ADGRL2: variants seen among roughly 807,000 people sequenced by gnomAD.
ADGRL2 encodes the protein calcium-independent alpha-latrotoxin receptor 2.
A neutral mutation model predicts 157.4 loss-of-function variants in ADGRL2; 44 were observed. That is an observed-to-expected ratio of 0.28 (90% CI 0.22 to 0.36). The LOEUF is 0.36. Ranked by LOEUF, ADGRL2 falls within the 10% of genes least tolerant of loss-of-function variation. The probability of loss-of-function intolerance (pLI) is 1.00; values close to 1 mark genes in which losing one functional copy is unlikely to be tolerated. For synonymous variants in ADGRL2, 585 were observed against 624.7 expected, an observed-to-expected ratio of 0.94 and a Z score of 0.95; for missense variants, 1,510 against 1,768.9, an observed-to-expected ratio of 0.85 and a Z score of 2.63.
chr1:81,817,260 T>C (rs561901580), intron 1 of ADGRL2, among the ~76,000 whole-genome samples: 2 of 151,480 alleles, frequency 1.3e-5, no homozygotes, highest in East Asian at 3.9e-4. Context: ...GCTTTAAAGG[T>C]AGGCCTTCCG....
intron 3 of ADGRL2, among the ~76,000 whole-genome samples, chr1:81,665,164 A>G (rs977987445): frequency 6.6e-6 from 1 of 152,176 alleles, no homozygotes; most frequent in African/African-American, 2.4e-5. Context: ...TCAAAGACAG[A>G]TGGATAAACT....
intron 3 of ADGRL2, among the ~76,000 whole-genome samples, chr1:81,689,700 G>A (rs1259002277): frequency 6.6e-6 from 1 of 152,206 alleles, no homozygotes; most frequent in Non-Finnish European, 1.5e-5. Flanking sequence ...ACAGAATGCA[G>A]CGATGGAACT....
chr1:81,628,044 A>T (rs917341973), intron 3 of ADGRL2, among the ~76,000 whole-genome samples: 1 of 152,146 alleles, frequency 6.6e-6, no homozygotes. Flanking sequence ...CTGCTCTTTC[A>T]ATGTCACCTT....
intron 2 of ADGRL2, among the ~76,000 whole-genome samples, chr1:81,763,058 A>G (rs368597202): frequency 1.7e-4 from 25 of 151,350 alleles, no homozygotes; most frequent in Middle Eastern, 3.4e-3. Flanking sequence ...AAAAAAAAAA[A>G]AAAAAAAAAG....
At chr1:81,572,773 C>A (rs1367788934) in intron 2 of ADGRL2, among the ~76,000 whole-genome samples, 2 of 151,904 alleles carry the variant, frequency 1.3e-5, no homozygotes, top group African/African-American at 4.8e-5. Context: ...AAACAGATTT[C>A]TTTTTTCACT....
intron 1 of ADGRL2, among the ~76,000 whole-genome samples, chr1:81,747,395 G>T (rs926169962): frequency 6.6e-6 from 1 of 151,232 alleles, no homozygotes; most frequent in African/African-American, 2.4e-5. Context: ...CTGCCTCCCA[G>T]GTTCAAGGGA....
At chr1:81,791,033 T>TTCCA (rs982160513) in intron 2 of ADGRL2, among the ~76,000 whole-genome samples, 2 of 125,478 alleles carry the variant, frequency 1.6e-5, no homozygotes, top group Non-Finnish European at 3.2e-5. Flanking sequence ...CAACACTGCA[T>TTCCA]TCCAGCCTGG....
At chr1:81,450,764 C>G (rs755773319) in intron 2 of ADGRL2, among the ~76,000 whole-genome samples, 3 of 151,976 alleles carry the variant, frequency 2.0e-5, no homozygotes, top group Non-Finnish European at 4.4e-5. Context: ...AATATTTGAG[C>G]AAGCAAGTGA....
intron 1 of ADGRL2, among the ~76,000 whole-genome samples, chr1:81,419,427 C>T (rs546578835): frequency 1.3e-5 from 2 of 152,214 alleles, no homozygotes; most frequent in African/African-American, 4.8e-5. Flanking sequence ...AGGCTGGTCT[C>T]GAACTCCTGA....
chr1:81,971,798 G>A (rs1339483093), intron 16 of ADGRL2, 54 bp from the exon 17 acceptor site: 8 of 906,072 alleles, frequency 8.8e-6, no homozygotes, highest in Admixed American at 2.0e-5. Context: ...TTTTCCTTGT[G>A]ATGTTGAGGT....
At chr1:81,586,392 A>C (rs969332663) in intron 3 of ADGRL2, 6 of 152,104 alleles carry the variant, frequency 3.9e-5, no homozygotes, top group Admixed American at 1.3e-4. Flanking sequence ...AGGAAAAAAA[A>C]AATGAATATT....
chr1:81,635,131 A>T (rs995401976), intron 3 of ADGRL2, among the ~76,000 whole-genome samples: 3 of 152,116 alleles, frequency 2.0e-5, no homozygotes, highest in Non-Finnish European at 2.9e-5. Flanking sequence ...GGTTTATCAA[A>T]GGAGCCCCAG....
At chr1:81,648,447 A>G (rs985343158) in intron 3 of ADGRL2, among the ~76,000 whole-genome samples, 2 of 152,204 alleles carry the variant, frequency 1.3e-5, no homozygotes, top group Non-Finnish European at 2.9e-5. Flanking sequence ...GTGCATTGAC[A>G]TGTTGGAGCC....
At chr1:81,890,023 A>G (rs2094220138) in intron 2 of ADGRL2, among the ~76,000 whole-genome samples, 1 of 152,192 alleles carries the variant, frequency 6.6e-6, no homozygotes, top group South Asian at 2.1e-4. Context: ...AAAACTTAAC[A>G]TTTATTAATG....
intron 3 of ADGRL2, among the ~76,000 whole-genome samples, chr1:81,678,749 A>T (rs533846502): frequency 6.6e-6 from 1 of 152,208 alleles, no homozygotes; most frequent in East Asian, 1.9e-4. Flanking sequence ...CTTTCTCTTC[A>T]GGATGCTGTG....
At chr1:81,867,423 A>G (rs576889868) in intron 2 of ADGRL2, among the ~76,000 whole-genome samples, 1 of 152,350 alleles carries the variant, frequency 6.6e-6, no homozygotes, top group South Asian at 2.1e-4. Flanking sequence ...TCATGGGCCT[A>G]TGCCATGTGG....
chr1:81,792,142 T>C (rs929623752), intron 2 of ADGRL2, among the ~76,000 whole-genome samples: 4 of 152,226 alleles, frequency 2.6e-5, no homozygotes, highest in African/African-American at 7.2e-5. Context: ...CTATGACTGC[T>C]GAATAACTGC....
chr1:81,887,118 G>A (rs2094145150), intron 2 of ADGRL2, among the ~76,000 whole-genome samples: 1 of 152,110 alleles, frequency 6.6e-6, no homozygotes, highest in Non-Finnish European at 1.5e-5. Flanking sequence ...TACTAAATAC[G>A]ATTTGAGAAG....
chr1:81,990,766 C>G lies in ADGRL2; in HGVS notation c.4031C>G (p.Ser1344Cys), dbSNP rs758893309. ...CCACTTATTCCTCAGCGGACTCACTCCCTTCTGTACCAACCCCAGAAGAAA... is the reference window on the plus strand; with the variant it reads ...CCACTTATTCCTCAGCGGACTCACTGCCTTCTGTACCAACCCCAGAAGAAA... ...EAPLIPQRTH[S>C]LLYQPQKKVK... The change falls in exon 24 of 24, where the codon TCC becomes TGC. Residue 1344 changes from serine (S) to cysteine (C), a missense_variant. By Grantham distance (112) the Ser-to-Cys change is moderately radical. Coordinates refer to ENST00000686636, the MANE Select transcript of ADGRL2 (RefSeq NM_001366006.2). 1 of 1,613,972 alleles carries G rather than the reference C, an allele frequency of 6.2e-7. No homozygotes were observed. The highest frequency in any genetic ancestry group is 8.5e-7 in the Non-Finnish European group (1 of 1,180,010).
Sources: gnomAD v4.1 joint callset for allele counts (sites outside exome capture counted in the v4.1 genomes callset) on GRCh38, gnomAD v4.1.1 for gene constraint, MANE v1.5 for transcripts, NCBI Gene and HGNC (gene_info 2026-07-23, HGNC 2026-07-21) for gene names.